Variants in MIPEP observed in about 807,000 individuals in gnomAD.
The protein encoded by MIPEP is mitochondrial intermediate peptidase.
MIPEP carries 79 observed loss-of-function variants against 90.3 expected under a neutral mutation model. That is an observed-to-expected ratio of 0.87 (90% confidence interval 0.73 to 1.05). The LOEUF is 1.05. Among genes scored for constraint, MIPEP ranks in the 50% least tolerant of loss-of-function variants. The pLI is 0.00. For synonymous variants in MIPEP, 334 were observed against 315.8 expected, an observed-to-expected ratio of 1.06 and a Z score of -0.61; for missense variants, 940 against 905.6, an observed-to-expected ratio of 1.04 and a Z score of -0.49.
intron 16 of MIPEP, among the ~76,000 whole-genome samples, chr13:23,772,858 AGACAGT>A (rs1952668183): frequency 6.6e-6 from 1 of 152,128 alleles, no homozygotes; most frequent in African/African-American, 2.4e-5. Context: ...CCCTGCTCTA[AGACAGT>A]GACTCTTCTT....
chr13:23,839,146 T>C (rs1273703111), intron 12 of MIPEP, among the ~76,000 whole-genome samples: 1 of 152,230 alleles, frequency 6.6e-6, no homozygotes, highest in Non-Finnish European at 1.5e-5. Flanking sequence ...TGGTGGTTGG[T>C]AAGGTTTCCA....
chr13:23,760,891 TAA>T (rs1952535334), intron 16 of MIPEP, among the ~76,000 whole-genome samples: 7 of 152,310 alleles, frequency 4.6e-5, no homozygotes, highest in Admixed American at 2.0e-4. Flanking sequence ...ACAAAAACAG[TAA>T]AGTCAGGAGT....
intron 10 of MIPEP, among the ~76,000 whole-genome samples, chr13:23,843,195 C>A (rs560015277): frequency 2.0e-5 from 3 of 151,020 alleles, no homozygotes; most frequent in African/African-American, 7.3e-5. Flanking sequence ...TAGGCAGAAG[C>A]GACAGTATAA....
chr13:23,778,175 C>T (rs925696373), intron 16 of MIPEP, among the ~76,000 whole-genome samples: 1 of 152,088 alleles, frequency 6.6e-6, no homozygotes, highest in Admixed American at 6.6e-5. Flanking sequence ...AAGTCTGGTT[C>T]ACTTTTCACT....
In MIPEP at chr13:23,839,735, A is replaced by T; in HGVS notation, c.1261-9T>A. Reference sequence around the variant, plus strand: ...GATTCATGAACAACAGCCTAGAAAAAAAAATTTAAATTTGGTGGTAAATGA... The same window carrying T: ...GATTCATGAACAACAGCCTAGAAAATAAAATTTAAATTTGGTGGTAAATGA... On this transcript the variant is annotated splice_polypyrimidine_tract_variant and intron_variant, in intron 11 of 18. Coordinates refer to ENST00000382172, the MANE Select transcript of MIPEP (RefSeq NM_005932.4). The T allele has an allele frequency of 6.2e-7, 1 of 1,603,316 alleles. No homozygotes were observed. The highest frequency in any genetic ancestry group is 8.5e-7 in the Non-Finnish European group (1 of 1,176,452).
chr13:23,783,469 T>C (rs1428975303), intron 16 of MIPEP, among the ~76,000 whole-genome samples: 2 of 152,162 alleles, frequency 1.3e-5, no homozygotes, highest in South Asian at 2.1e-4. Flanking sequence ...TAAGAGCTAT[T>C]CATGACAAAC....
intron 16 of MIPEP, among the ~76,000 whole-genome samples, chr13:23,778,653 T>C (rs568254466): frequency 6.6e-6 from 1 of 152,328 alleles, no homozygotes; most frequent in African/African-American, 2.4e-5. Context: ...ATTTTTATCA[T>C]GTCAATTACC....
intron 16 of MIPEP, among the ~76,000 whole-genome samples, chr13:23,790,670 G>C (rs1014694236): frequency 1.3e-5 from 2 of 152,184 alleles, no homozygotes; most frequent in African/African-American, 4.8e-5. Context: ...TCATGGAGTG[G>C]GGAGAGGCAG....
chr13:23,855,290 A>G (rs1244369272), intron 10 of MIPEP, among the ~76,000 whole-genome samples: 1 of 152,242 alleles, frequency 6.6e-6, no homozygotes, highest in Non-Finnish European at 1.5e-5. Flanking sequence ...CACTTATACT[A>G]CTACGGTATT....
At chr13:23,841,257 A>G (rs1425301583) in intron 11 of MIPEP, 78 bp downstream of exon 11, 1 of 1,358,324 alleles carries the variant, frequency 7.4e-7, no homozygotes, top group East Asian at 2.4e-5. Flanking sequence ...GTTGATGTAA[A>G]CCTGAAACTG....
chr13:23,777,014 T>A (rs940016327), intron 16 of MIPEP, among the ~76,000 whole-genome samples: 1 of 152,182 alleles, frequency 6.6e-6, no homozygotes, highest in Non-Finnish European at 1.5e-5. Context: ...TCAAAATGCT[T>A]AAACGCCAGT....
intron 14 of MIPEP, among the ~76,000 whole-genome samples, chr13:23,826,468 T>G (rs971677239): frequency 6.6e-6 from 1 of 152,238 alleles, no homozygotes; most frequent in South Asian, 2.1e-4. Context: ...CAATACCAGA[T>G]AGACCAATTA....
At chr13:23,829,220 A>G (rs1240502986) in intron 14 of MIPEP, among the ~76,000 whole-genome samples, 1 of 152,230 alleles carries the variant, frequency 6.6e-6, no homozygotes, top group East Asian at 1.9e-4. Flanking sequence ...AATGTTTAGA[A>G]GAAAACTGAA....
intron 14 of MIPEP, 54 bp from the exon 15 acceptor site, chr13:23,809,978 A>G: frequency 9.1e-7 from 1 of 1,104,182 alleles, no homozygotes; most frequent in South Asian, 1.3e-5. Context: ...AAGTCACTGC[A>G]CTATGTATAA....
chr13:23,734,271 T>G (rs541230411), intron 18 of MIPEP, among the ~76,000 whole-genome samples: 6 of 152,292 alleles, frequency 3.9e-5, no homozygotes, highest in Non-Finnish European at 8.8e-5. Flanking sequence ...CTTCCTTCTC[T>G]TTTCCTTCTT....
At chr13:23,790,893 T>C (rs1199441954) in intron 16 of MIPEP, among the ~76,000 whole-genome samples, 1 of 152,232 alleles carries the variant, frequency 6.6e-6, no homozygotes, top group Non-Finnish European at 1.5e-5. Context: ...TTAGTGATGA[T>C]GTTCTTGGCC....
rs192198458 is a variant in MIPEP at position 23,812,318 on chromosome 13, G to A, written c.1654-2394C>T. Reference sequence around the variant, plus strand: ...AACTAGACAAGAGAAGGATGGATGGGAAGGGGAAAGAAGCATTTCAGGCAG... The same window carrying A: ...AACTAGACAAGAGAAGGATGGATGGAAAGGGGAAAGAAGCATTTCAGGCAG... On this transcript the variant is annotated intron_variant, in intron 14 of 18. Coordinates refer to ENST00000382172, the MANE Select transcript of MIPEP (RefSeq NM_005932.4). Among the ~76,000 whole-genome samples, 27 of 152,248 alleles carry A rather than the reference G, an allele frequency of 1.8e-4. No individual in the cohort carries two copies. The East Asian group carries it at 4.5e-3, about 25-fold the overall frequency.
At chr13:23,795,914 T>A (rs1265203891) in intron 16 of MIPEP, among the ~76,000 whole-genome samples, 3 of 151,538 alleles carry the variant, frequency 2.0e-5, no homozygotes, top group African/African-American at 7.3e-5. Flanking sequence ...GAGGGTCAGT[T>A]GAGCCTTGAG....
At position 23,849,209 on chromosome 13, in the gene MIPEP, C is replaced by T. The variant is rs182322533; in HGVS notation, c.1107-7721G>A. 4.8e-3 allele frequency among the ~76,000 whole-genome samples: 725 copies of T among 152,352 alleles called. 4 individuals are homozygous for T. Among genetic ancestry groups the T allele is most frequent in the South Asian group, 0.032 (154 of 4,826 alleles). On this transcript the variant is annotated intron_variant, in intron 10 of 18. Coordinates refer to ENST00000382172, the MANE Select transcript of MIPEP (RefSeq NM_005932.4). ...CACAGCTTCCTTATCTGCATAGATG[C>T]TACACATAAGAACATTTTCCTCTCT...
Sources: gnomAD v4.1 joint callset for allele counts (sites outside exome capture counted in the v4.1 genomes callset) on GRCh38, gnomAD v4.1.1 for gene constraint, MANE v1.5 for transcripts, NCBI Gene and HGNC (gene_info 2026-07-23, HGNC 2026-07-21) for gene names.